The following SLC12A1 variants were observed in gnomAD, a reference collection of about 807,000 sequenced individuals.
SLC12A1 encodes solute carrier family 12 member 1.
SLC12A1 carries 89 observed loss-of-function variants against 130.4 expected under a neutral mutation model. The ratio of observed to expected loss-of-function variants is 0.68; its 90% confidence interval spans 0.58 to 0.81. The LOEUF (loss-of-function observed/expected upper bound fraction) is 0.81, where lower values mean the gene tolerates loss of function less well. SLC12A1 is among the 40% of genes least tolerant of loss of function. The pLI is 0.00. For missense variants in SLC12A1, 1,310 were observed against 1,336.4 expected (o/e 0.98, Z 0.31); for synonymous variants, 499 against 460.0 (o/e 1.08, Z -1.09).
rs1597466921 is a variant in SLC12A1 at position 48,303,019 on chromosome 15, T to C, written c.*134T>C. Reference sequence around the variant, plus strand: ...AGGATCCTACCAGATTCTACATACATTGCATAATTTTTATCAGTTAATGCG... The same window carrying C: ...AGGATCCTACCAGATTCTACATACACTGCATAATTTTTATCAGTTAATGCG... On this transcript the variant is annotated 3_prime_UTR_variant, in exon 27 of 27. Coordinates refer to ENST00000380993, the MANE Select transcript of SLC12A1 (RefSeq NM_000338.3). 8 of 619,744 alleles carry C rather than the reference T, an allele frequency of 1.3e-5. No homozygotes were observed. Among genetic ancestry groups the C allele is most frequent in the African/African-American group, 1.9e-5 (1 of 53,074 alleles). 38.4% of individuals were successfully genotyped at this position (619,744 alleles called of 1,614,324 possible).
chr15:48,227,063 T>C (rs1310843121), intron 5 of SLC12A1: 3 of 1,539,690 alleles, frequency 1.9e-6, no homozygotes, highest in East Asian at 4.9e-5. Context: ...AACACCTTTC[T>C]TGGGGGATTT....
Position 48,269,238 on chromosome 15 carries a change from C to A in SLC12A1, c.2296-420C>A, listed in dbSNP as rs76003260. Among the ~76,000 whole-genome samples, 327 of 152,210 alleles carry A rather than the reference C, an allele frequency of 2.1e-3. 2 individuals carry two copies. Among genetic ancestry groups the A allele is most frequent in the African/African-American group, 7.5e-3 (313 of 41,538 alleles). On this transcript the variant is annotated intron_variant, in intron 18 of 26. Transcript: ENST00000380993. ...AACATAAGTAGAGATTTTAGTGATC[C>A]TTGTACATAAGAATTTTCCAAACAT...
chr15:48,226,536 C>A lies in SLC12A1; in HGVS notation c.689C>A (p.Thr230Asn), dbSNP rs568245443. ...TMVTSITGLSTSAIATNGFVR... is the reference protein window; with the variant it reads ...TMVTSITGLSNSAIATNGFVR... Reference sequence around the variant, plus strand: ...GTAACTTCTATTACTGGGTTGTCAACTTCTGCGATAGCAACTAACGGGTTT... The same window carrying A: ...GTAACTTCTATTACTGGGTTGTCAAATTCTGCGATAGCAACTAACGGGTTT... Residue 230 changes from threonine (T) to asparagine (N), a missense_variant, in exon 5 of 27, where the codon ACT (threonine) becomes AAT (asparagine). Thr to Asn is a moderately conservative substitution (Grantham distance 65). Coordinates refer to ENST00000380993, the MANE Select transcript of SLC12A1 (RefSeq NM_000338.3). 4 of 1,610,056 alleles carry A rather than the reference C, an allele frequency of 2.5e-6. No individual in the cohort carries two copies. Among genetic ancestry groups the A allele is most frequent in the South Asian group, 1.1e-5 (1 of 90,046 alleles).
intron 17 of SLC12A1, 145 bp downstream of exon 17, chr15:48,259,456 C>T (rs1233948268): frequency 4.6e-6 from 3 of 648,812 alleles, no homozygotes; most frequent in South Asian, 3.6e-5. Flanking sequence ...ATTCATAGAG[C>T]AAGGACAAGC....
At chr15:48,237,292 G>T in intron 9 of SLC12A1, 1 of 388,652 alleles carries the variant, frequency 2.6e-6, no homozygotes, top group Non-Finnish European at 4.6e-6. Flanking sequence ...ATTATTTTAA[G>T]TGCAGAGTAG....
chr15:48,255,112 T>A (rs1317984224), intron 15 of SLC12A1, among the ~76,000 whole-genome samples: 1 of 151,940 alleles, frequency 6.6e-6, no homozygotes, highest in Non-Finnish European at 1.5e-5. Context: ...CTGCACACTA[T>A]CTGTGTATAC....
In SLC12A1 at chr15:48,295,024, G is replaced by T. The variant is rs1285146890; in HGVS notation, c.2960+3160G>T. On this transcript the variant is annotated intron_variant, in intron 24 of 26. Coordinates refer to ENST00000380993, the MANE Select transcript of SLC12A1 (RefSeq NM_000338.3). Reference sequence around the variant, plus strand: ...ACTCCTGGGCTCAAGAGATCCTCCTGCCTCAGCCTCTTGAGTAGCTGGGTC... The same window carrying T: ...ACTCCTGGGCTCAAGAGATCCTCCTTCCTCAGCCTCTTGAGTAGCTGGGTC... Among the ~76,000 whole-genome samples the T allele has an allele frequency of 3.3e-5, 5 of 151,188 alleles. No individual in the cohort carries two copies. In the East Asian group the frequency reaches 9.7e-4, roughly 29 times the overall value.
chr15:48,240,879 G>C (rs983450415), intron 9 of SLC12A1, among the ~76,000 whole-genome samples: 2 of 152,130 alleles, frequency 1.3e-5, no homozygotes, highest in Non-Finnish European at 2.9e-5. Context: ...ACTCAACTTA[G>C]TGAATGTATA....
intron 20 of SLC12A1, among the ~76,000 whole-genome samples, chr15:48,279,870 T>C (rs538121132): frequency 6.6e-6 from 1 of 152,332 alleles, no homozygotes; most frequent in South Asian, 2.1e-4. Flanking sequence ...AAATAATTAC[T>C]TGATTAGAAG....
At position 48,229,307 on chromosome 15, in the gene SLC12A1, G is replaced by A; in HGVS notation, c.843G>A (p.Glu281=). Residue 281 remains glutamate, a synonymous_variant, in exon 6 of 27, where the codon GAG becomes GAA. Coordinates refer to ENST00000380993, the MANE Select transcript of SLC12A1 (RefSeq NM_000338.3). ...AVAMYVVGFA[E]TVVDLLKESD... is the part of the protein sequence containing the mutation. ...CTATGTATGTGGTGGGATTTGCTGA[G>A]ACTGTAGTAGATCTTCTTAAGGTAA... is the stretch of plus-strand genomic sequence containing the variant. The A allele has an allele frequency of 6.2e-7, 1 of 1,602,886 alleles. No individual in the cohort carries two copies. Among genetic ancestry groups the A allele is most frequent in the Admixed American group, 1.7e-5 (1 of 58,264 alleles).
intron 20 of SLC12A1, among the ~76,000 whole-genome samples, chr15:48,284,549 G>A (rs2042037951): frequency 6.6e-6 from 1 of 152,216 alleles, no homozygotes; most frequent in Non-Finnish European, 1.5e-5. Context: ...TAAAAATGCT[G>A]TAACTTCATG....
rs541540390 is a variant in SLC12A1, at chr15:48,229,295, G to A, written c.831G>A (p.Val277=). Residue 277 remains valine, a synonymous_variant, in exon 6 of 27, where the codon GTG becomes GTA. Transcript: ENST00000380993. The part of the protein sequence containing the change: ...ANAVAVAMYV[V]GFAETVVDLL... ...CAGTGGCTGTTGCTATGTATGTGGT[G>A]GGATTTGCTGAGACTGTAGTAGATC... 7 of 1,604,776 alleles carry A rather than the reference G, an allele frequency of 4.4e-6. No individual in the cohort carries two copies. In the Admixed American group the frequency reaches 8.5e-5, roughly 20 times the overall value.
At position 48,255,807 on chromosome 15, in the gene SLC12A1, A is replaced by G; in HGVS notation, c.1943-4A>G. Reference sequence around the variant, plus strand: ...TTTATGCCAATTTCCTCCTTTATCCACAGATGTGAACTGGGGCTCCTCCAC... The same window carrying G: ...TTTATGCCAATTTCCTCCTTTATCCGCAGATGTGAACTGGGGCTCCTCCAC... On this transcript the variant is annotated splice_region_variant and splice_polypyrimidine_tract_variant and intron_variant, in intron 15 of 26. Coordinates refer to ENST00000380993, the MANE Select transcript of SLC12A1 (RefSeq NM_000338.3). 6.3e-7 allele frequency: 1 copy of G among 1,588,014 alleles called. No homozygotes were observed.
At position 48,247,408 on chromosome 15, in the gene SLC12A1, C is replaced by A; in HGVS notation, c.1632C>A (p.Pro544=). 6.2e-7 allele frequency: 1 copy of A among 1,610,620 alleles called. No individual in the cohort carries two copies. ...AGGGATATGGGAAAAACAATGAACC[C>A]CTGAGAGGATATATTCTCACTTTTC... ...FAKGYGKNNE[P]LRGYILTFLI... Residue 544 remains proline, a synonymous_variant, in exon 13 of 27, where the codon CCC becomes CCA. Transcript: ENST00000380993.
At chr15:48,281,827 C>G (rs1467137427) in intron 20 of SLC12A1, among the ~76,000 whole-genome samples, 1 of 152,156 alleles carries the variant, frequency 6.6e-6, no homozygotes, top group Non-Finnish European at 1.5e-5. Context: ...CAACTTATAT[C>G]CATTCGTTCA....
intron 24 of SLC12A1, among the ~76,000 whole-genome samples, chr15:48,292,192 A>T (rs1421579899): frequency 6.6e-6 from 1 of 152,220 alleles, no homozygotes; most frequent in Non-Finnish European, 1.5e-5. Context: ...TGGAGCCATC[A>T]GGGCAAGTTT....
chr15:48,216,898 T>C (rs2141012363), intron 2 of SLC12A1, among the ~76,000 whole-genome samples: 1 of 152,268 alleles, frequency 6.6e-6, no homozygotes, highest in Non-Finnish European at 1.5e-5. Context: ...CCTCAAATGT[T>C]TCATGCATCT....
chr15:48,280,538 G>A (rs946905933), intron 20 of SLC12A1, among the ~76,000 whole-genome samples: 5 of 152,008 alleles, frequency 3.3e-5, no homozygotes, highest in African/African-American at 1.2e-4. Context: ...TCCATATCTC[G>A]ATCTCTATCT....
At chr15:48,299,539 T>C (rs939970126) in intron 25 of SLC12A1, among the ~76,000 whole-genome samples, 1 of 152,200 alleles carries the variant, frequency 6.6e-6, no homozygotes, top group Non-Finnish European at 1.5e-5. Context: ...TCCTTTCAAA[T>C]TTAATTTTAA....
Sources: gnomAD v4.1 joint callset for allele counts (sites outside exome capture counted in the v4.1 genomes callset) on GRCh38, gnomAD v4.1.1 for gene constraint, MANE v1.5 for transcripts, NCBI Gene and HGNC (gene_info 2026-07-23, HGNC 2026-07-21) for gene names.